LMNTD2: variants seen among roughly 807,000 people sequenced by gnomAD.
LMNTD2 encodes the protein lamin tail domain containing 2, also known as lamin tail domain-containing protein 2.
Under a neutral mutation model 70.1 loss-of-function variants are expected in LMNTD2, and 83 were observed. That is an observed-to-expected ratio of 1.18 (90% CI 0.99 to 1.42). The LOEUF is 1.42. Ranked by LOEUF, LMNTD2 falls within the 40% of genes most tolerant of loss-of-function variation. The pLI, the probability that LMNTD2 is intolerant of heterozygous loss-of-function variation, is 0.00. For missense variants in LMNTD2, 1,153 were observed against 905.9 expected (o/e 1.27, Z -3.50); for synonymous variants, 534 against 406.1 (o/e 1.31, Z -3.79).
chr11:557,729 C>G, intron 5 of LMNTD2, 89 bp from the exon 6 acceptor site: 2 of 1,594,086 alleles, frequency 1.3e-6, no homozygotes, highest in South Asian at 1.1e-5. Context: ...GCTTTGAGGC[C>G]TCCTGATTCC....
In LMNTD2 at chr11:556,967, C is replaced by G. The variant is rs1564816462; in HGVS notation, c.844G>C (p.Asp282His). 6.2e-7 allele frequency: 1 copy of G among 1,605,802 alleles called. No individual in the cohort carries two copies. Among genetic ancestry groups the G allele is most frequent in the Non-Finnish European group, 8.5e-7 (1 of 1,178,876 alleles). Residue 282 changes from aspartate to histidine, a missense_variant, in exon 8 of 14, where the codon GAC becomes CAC. Physicochemically the swap from Asp to His is moderately conservative, Grantham distance 81. Transcript: ENST00000329451. ...CLNTSSSGGA[D>H]SDSSSCRPGL... ...GGCCGGCAGCTGCTGGAGTCGGAGT[C>G]AGCGCCCCCTGAGCTGCTGGTGTTC...
chr11:560,282 G>T, intron 1 of LMNTD2: 1 of 1,030,980 alleles, frequency 9.7e-7, no homozygotes, highest in Non-Finnish European at 1.2e-6. Context: ...AGTAGGGTAG[G>T]GGGTGAAGGA....
rs1046856398 is a variant in LMNTD2, at chr11:554,906, C to G, written c.*74G>C. 7.6e-6 allele frequency: 8 copies of G among 1,055,580 alleles called. No individual in the cohort carries two copies. The African/African-American group carries it at 1.4e-4, about 18-fold the overall frequency. The allele number at this position is 1,055,580 out of a possible 1,614,324, so 65.4% of individuals were successfully genotyped here. A position where few individuals can be genotyped will look rare whatever the true frequency, so the allele number is the denominator to read the frequency against. ...GGCCACGTTGGTTCAATAAATGATG[C>G]AGCGGACACAGCCCGCCCAGCCCCG... On this transcript the variant is annotated 3_prime_UTR_variant, in exon 14 of 14. Transcript: ENST00000329451.
At position 560,732 on chromosome 11, in the gene LMNTD2, G is replaced by A. The variant is rs561079573; in HGVS notation, c.-16C>T. Reference sequence around the variant, plus strand: ...GCCACCGCATTTCCGCGTTTTTCGCGGTAGGCGGGAGGTGGGGGCGGGGAC... The same window carrying A: ...GCCACCGCATTTCCGCGTTTTTCGCAGTAGGCGGGAGGTGGGGGCGGGGAC... On this transcript the variant is annotated 5_prime_UTR_variant, in exon 1 of 14. Transcript: ENST00000329451. 2.1e-6 allele frequency: 3 copies of A among 1,427,098 alleles called. No homozygotes were observed. Among genetic ancestry groups the A allele is most frequent in the South Asian group, 1.4e-5 (1 of 71,866 alleles). 88.4% of individuals were successfully genotyped at this position (1,427,098 alleles called of 1,614,324 possible). A position where few individuals can be genotyped will look rare whatever the true frequency, so the allele number is the denominator to read the frequency against.
At position 556,097 on chromosome 11, in the gene LMNTD2, G is replaced by C; in HGVS notation, c.1276C>G (p.Arg426Gly). The change falls in exon 11 of 14, where the codon CGC (arginine) becomes GGC (glycine). Residue 426 changes from arginine to glycine, a missense_variant. By Grantham distance (125) the Arg-to-Gly change is moderately radical. Transcript: ENST00000329451. ...HHVTVWGEAT[R>G]SAKKPLRASS... ...GCGCGCAGCGGCTTCTTGGCGCTGCGGGTCGCCTCGCCCCAGACCTGGAGG... is the reference window on the plus strand; with the variant it reads ...GCGCGCAGCGGCTTCTTGGCGCTGCCGGTCGCCTCGCCCCAGACCTGGAGG... The C allele has an allele frequency of 6.6e-7, 1 of 1,524,350 alleles. No homozygotes were observed. Among genetic ancestry groups the C allele is most frequent in the Non-Finnish European group, 8.7e-7 (1 of 1,146,528 alleles). The allele number at this position is 1,524,350 out of a possible 1,614,324, so 94.4% of individuals were successfully genotyped here. A position where few individuals can be genotyped will look rare whatever the true frequency, so the allele number is the denominator to read the frequency against.
At chr11:555,585 G>C in intron 12 of LMNTD2, 82 bp from the exon 13 acceptor site, 1 of 1,287,736 alleles carries the variant, frequency 7.8e-7, no homozygotes, top group South Asian at 2.0e-5. Context: ...GCGGGGCAGG[G>C]GCCGCGGGGC....
intron 1 of LMNTD2, chr11:559,869 C>A: frequency 1.6e-6 from 1 of 620,824 alleles, no homozygotes; most frequent in Non-Finnish European, 2.0e-6. Context: ...AGGTGATCCT[C>A]CCACTTCCGC....
intron 1 of LMNTD2, chr11:559,329 C>G (rs1420975707): frequency 7.3e-7 from 1 of 1,378,180 alleles, no homozygotes; most frequent in East Asian, 4.0e-5. Context: ...AGCTCAGGGC[C>G]CTACCCCCAG....
In LMNTD2 at chr11:557,980, C is replaced by T. The variant is rs1219569929; in HGVS notation, c.459G>A (p.Glu153=). ...ACTTCTGCAAGTTCTGCAGCTCGGC[C>T]TCCATCTCCTGGAGCGTGCGGGTGG... The part of the protein sequence containing the change: ...LQTTRTLQEM[E]AELQNLQKSC... Residue 153 remains glutamate (E), a synonymous_variant, in exon 5 of 14, where the codon GAG becomes GAA. Transcript: ENST00000329451. The T allele has an allele frequency of 1.2e-6, 2 of 1,600,592 alleles. No homozygotes were observed. Among genetic ancestry groups the T allele is most frequent in the African/African-American group, 1.3e-5 (1 of 74,828 alleles).
chr11:556,381 AAG>A lies in LMNTD2; in HGVS notation c.1074-8_1074-7del. The A allele has an allele frequency of 6.5e-7, 1 of 1,536,634 alleles. No individual in the cohort carries two copies. The highest frequency in any genetic ancestry group is 8.7e-7 in the Non-Finnish European group (1 of 1,145,678). ...CGATCTTCAGGCCTGTCGGGCTGGG[AAG>A]AGAGGAGACGCTGTGAGGAGATGCG... On this transcript the variant is annotated splice_region_variant and splice_polypyrimidine_tract_variant and intron_variant, in intron 9 of 13. Transcript: ENST00000329451.
At position 556,207 on chromosome 11, in the gene LMNTD2, C is replaced by T; in HGVS notation, c.1242G>A (p.Pro414=). 6.9e-7 allele frequency: 1 copy of T among 1,441,418 alleles called. No homozygotes were observed. Among genetic ancestry groups the T allele is most frequent in the East Asian group, 3.0e-5 (1 of 33,158 alleles). 89.3% of individuals were successfully genotyped at this position (1,441,418 alleles called of 1,614,324 possible). ...YRFPPGTLLA[P]RHHVTVWGEA... ...CGGGGCGCACCGTGACGTGGTGCCGCGGGGCCAGCAGCGTGCCCGGCGGGA... is the reference window on the plus strand; with the variant it reads ...CGGGGCGCACCGTGACGTGGTGCCGTGGGGCCAGCAGCGTGCCCGGCGGGA... The change falls in exon 10 of 14, where the codon CCG becomes CCA. Residue 414 remains proline (P), a synonymous_variant. Coordinates refer to ENST00000329451, the MANE Select transcript of LMNTD2 (RefSeq NM_173573.3).
intron 13 of LMNTD2, 90 bp from the exon 14 acceptor site, chr11:555,201 G>GCGGAGGGGCGGGGAGGAGAT: frequency 2.0e-6 from 1 of 491,904 alleles, no homozygotes; most frequent in Non-Finnish European, 2.8e-6. Flanking sequence ...GGGGAGGAGA[G>GCGGAGGGGCGGGGAGGAGAT]CGGAGGGGAG....
In LMNTD2 at chr11:556,544, A is replaced by G; in HGVS notation, c.1021T>C (p.Ser341Pro). ...HSPRHGEPVL[S>P]PQPCTDPDHW... Reference sequence around the variant, plus strand: ...TCCGGGTCTGTGCAGGGCTGGGGCGACAGGACCGGCTCGCCGTGCCTGGGT... The same window carrying G: ...TCCGGGTCTGTGCAGGGCTGGGGCGGCAGGACCGGCTCGCCGTGCCTGGGT... The change falls in exon 9 of 14, where the codon TCG becomes CCG. Residue 341 changes from serine (S) to proline (P), a missense_variant. Transcript: ENST00000329451. The G allele has an allele frequency of 6.4e-7, 1 of 1,561,138 alleles. No homozygotes were observed.
Position 556,531 on chromosome 11 carries a change from C to G in LMNTD2, c.1034G>C (p.Cys345Ser), listed in dbSNP as rs115226534. Residue 345 changes from cysteine (C) to serine (S), a missense_variant, in exon 9 of 14, where the codon TGC becomes TCC. Coordinates refer to ENST00000329451, the MANE Select transcript of LMNTD2 (RefSeq NM_173573.3). ...HGEPVLSPQPCTDPDHWSPEL... is the reference protein window; with the variant it reads ...HGEPVLSPQPSTDPDHWSPEL... ...CGGGCTCCAGTGGTCCGGGTCTGTG[C>G]AGGGCTGGGGCGACAGGACCGGCTC... 59,510 of 1,561,402 alleles carry G rather than the reference C, an allele frequency of 0.038. 1,278 individuals carry two copies. Among genetic ancestry groups the G allele is most frequent in the Middle Eastern group, 0.089 (537 of 6,002 alleles).
At chr11:555,242 G>T (rs1333360152) in intron 13 of LMNTD2, 63 bp downstream of exon 13, 1 of 1,208,744 alleles carries the variant, frequency 8.3e-7, no homozygotes, top group Admixed American at 4.2e-5. Context: ...AGGGAGGGGC[G>T]GGAGAGGAGA....
rs981710478 is a variant in LMNTD2 at position 557,833 on chromosome 11, G to A, written c.555+51C>T. 1.1e-5 allele frequency: 17 copies of A among 1,515,246 alleles called. No homozygotes were observed. In the Admixed American group the frequency reaches 1.5e-4, roughly 13 times the overall value. The allele number at this position is 1,515,246 out of a possible 1,614,324, so 93.9% of individuals were successfully genotyped here. On this transcript the variant is annotated intron_variant, in intron 5 of 13. Coordinates refer to ENST00000329451, the MANE Select transcript of LMNTD2 (RefSeq NM_173573.3). The stretch of plus-strand genomic sequence containing the variant: ...CAGCAGAGGCACCCGACGAGATGGG[G>A]AGGGCTGGGGAGGGCAGCCTGGGGC...
At chr11:560,075 C>T (rs986636542) in intron 1 of LMNTD2, 5 of 163,168 alleles carry the variant, frequency 3.1e-5, no homozygotes, top group Non-Finnish European at 5.2e-5. Flanking sequence ...AAGCCAGGTC[C>T]CAGACCTGAC....
Position 556,521 on chromosome 11 carries a change from C to A in LMNTD2, c.1044G>T (p.Pro348=), listed in dbSNP as rs28406183. The change falls in exon 9 of 14, where the codon CCG becomes CCT. Residue 348 remains proline (P), a synonymous_variant. Transcript: ENST00000329451. The part of the protein sequence containing the change: ...PVLSPQPCTD[P]DHWSPELLQS... ...GCAGGAGTTCCGGGCTCCAGTGGTC[C>A]GGGTCTGTGCAGGGCTGGGGCGACA... 5 of 1,557,092 alleles carry A rather than the reference C, an allele frequency of 3.2e-6. No homozygotes were observed. Among genetic ancestry groups the A allele is most frequent in the Admixed American group, 3.9e-5 (2 of 51,804 alleles).
Position 554,881 on chromosome 11 carries a change from G to A in LMNTD2, c.*99C>T. 1.2e-6 allele frequency: 1 copy of A among 833,544 alleles called. No individual in the cohort carries two copies. Among genetic ancestry groups the A allele is most frequent in the South Asian group, 1.9e-5 (1 of 51,812 alleles). 51.6% of individuals were successfully genotyped at this position (833,544 alleles called of 1,614,324 possible). On this transcript the variant is annotated 3_prime_UTR_variant, in exon 14 of 14. Coordinates refer to ENST00000329451, the MANE Select transcript of LMNTD2 (RefSeq NM_173573.3). Reference sequence around the variant, plus strand: ...GTACAGAAATGCGGTTTACTTTGTAGGCCACGTTGGTTCAATAAATGATGC... The same window carrying A: ...GTACAGAAATGCGGTTTACTTTGTAAGCCACGTTGGTTCAATAAATGATGC...
Sources: allele counts gnomAD v4.1 joint callset, GRCh38; gene constraint gnomAD v4.1.1; transcripts MANE v1.5; gene names NCBI Gene and HGNC (gene_info 2026-07-23, HGNC 2026-07-21).